Variants in NME7 observed in about 807,000 individuals in gnomAD.
NME7 encodes nucleoside diphosphate kinase 7.
A neutral mutation model predicts 49.1 loss-of-function variants in NME7; 41 were observed. That is an observed-to-expected ratio of 0.83 (90% CI 0.65 to 1.08). The LOEUF (loss-of-function observed/expected upper bound fraction) is 1.08. NME7 is among the 50% of genes least tolerant of loss of function. The pLI is 0.00. For synonymous variants in NME7, 139 were observed against 150.6 expected (o/e 0.92, Z 0.56); for missense variants, 423 against 463.4 (o/e 0.91, Z 0.80).
In NME7 at chr1:169,258,383, TATATATATATATATATATATATAC is replaced by T. The variant is rs1485529598; in HGVS notation, c.755-20720_755-20697del. 5.0e-5 allele frequency among the ~76,000 whole-genome samples: 3 copies of T among 59,632 alleles called. 1 individual carries two copies. The highest frequency in any genetic ancestry group is 9.4e-5 in the Non-Finnish European group (3 of 31,860). The allele number at this position is 59,632 out of a possible 152,430, so 39.1% of individuals were successfully genotyped here. On this transcript the variant is annotated intron_variant, in intron 7 of 11. Transcript: ENST00000367811. ...AATAAAATAAAATAAAACATATATA[TATATATATATATATATATATATAC>T]ACACACACACACACACATACACACA...
chr1:169,251,547 C>CTTTTTTTTTTTTTTTTT (rs36096137), intron 7 of NME7, among the ~76,000 whole-genome samples: 1 of 123,986 alleles, frequency 8.1e-6, no homozygotes. Context: ...ACTCTGGTTT[C>CTTTTTTTTTTTTTTTTT]TTTTTTTTTT....
At chr1:169,363,818 C>T in intron 1 of NME7, among the ~76,000 whole-genome samples, 1 of 152,284 alleles carries the variant, frequency 6.6e-6, no homozygotes, top group Non-Finnish European at 1.5e-5. Flanking sequence ...CCTTCATTGA[C>T]CACCTAATTT....
chr1:169,278,555 T>G (rs1649851731), intron 7 of NME7, among the ~76,000 whole-genome samples: 1 of 152,166 alleles, frequency 6.6e-6, no homozygotes, highest in Admixed American at 6.5e-5. Flanking sequence ...TTTAAGCACT[T>G]CTCTGTATTG....
chr1:169,218,983 AG>A (rs1661060120), intron 10 of NME7, among the ~76,000 whole-genome samples: 1 of 152,184 alleles, frequency 6.6e-6, no homozygotes, highest in African/African-American at 2.4e-5. Flanking sequence ...GACTTTCCTT[AG>A]GGAAACTTGA....
chr1:169,219,953 A>G (rs1661092164), intron 10 of NME7, among the ~76,000 whole-genome samples: 1 of 152,226 alleles, frequency 6.6e-6, no homozygotes, highest in African/African-American at 2.4e-5. Flanking sequence ...TGATGGAAGG[A>G]AGGCTAAGGA....
intron 10 of NME7, among the ~76,000 whole-genome samples, chr1:169,228,163 C>T (rs907639391): frequency 6.6e-6 from 1 of 152,042 alleles, no homozygotes; most frequent in Admixed American, 6.5e-5. Flanking sequence ...CCTGCCTTAT[C>T]CTCCCAAAAT....
At chr1:169,216,885 G>C (rs1002253538) in intron 10 of NME7, among the ~76,000 whole-genome samples, 1 of 152,204 alleles carries the variant, frequency 6.6e-6, no homozygotes, top group Non-Finnish European at 1.5e-5. Flanking sequence ...GTTGACTGTT[G>C]TGATATAAAA....
intron 1 of NME7, among the ~76,000 whole-genome samples, chr1:169,335,564 T>A (rs1557827371): frequency 1.3e-5 from 2 of 151,098 alleles, no homozygotes; most frequent in African/African-American, 4.9e-5. Context: ...GGGTGGGGGA[T>A]GAGGGAAGGG....
At chr1:169,252,262 G>A (rs1648664153) in intron 7 of NME7, among the ~76,000 whole-genome samples, 2 of 151,678 alleles carry the variant, frequency 1.3e-5, no homozygotes, top group Admixed American at 6.6e-5. Flanking sequence ...TCTAACTGGT[G>A]TGAGATGGTA....
At chr1:169,252,880 G>A (rs1229451418) in intron 7 of NME7, among the ~76,000 whole-genome samples, 37 of 148,998 alleles carry the variant, frequency 2.5e-4, no homozygotes, top group African/African-American at 8.0e-4. Context: ...GTAGATATGC[G>A]GTGTTATTTC....
In NME7 at chr1:169,336,911, T is replaced by C. The variant is rs4287233; in HGVS notation, c.4-12411A>G. On this transcript the variant is annotated intron_variant, in intron 1 of 11. Coordinates refer to ENST00000367811, the MANE Select transcript of NME7 (RefSeq NM_013330.5). ...GTGCTGATTGGTGTGTTTACAAACC[T>C]TGAGCTAGATACAGAGTGCCGATTG... Among the ~76,000 whole-genome samples, 984 of 152,192 alleles carry C rather than the reference T, an allele frequency of 6.5e-3. 14 individuals are homozygous for C. Among genetic ancestry groups the C allele is most frequent in the African/African-American group, 0.022 (922 of 41,518 alleles).
At chr1:169,300,474 A>G (rs907371197) in intron 5 of NME7, among the ~76,000 whole-genome samples, 1 of 152,182 alleles carries the variant, frequency 6.6e-6, no homozygotes, top group African/African-American at 2.4e-5. Context: ...TCTTATTAGA[A>G]GTGTAAACAG....
chr1:169,159,389 G>A (rs73033774), intron 11 of NME7, among the ~76,000 whole-genome samples: 3,432 of 151,990 alleles, frequency 0.023, 103 homozygotes, highest in African/African-American at 0.076. Context: ...ATTATGGGGC[G>A]GAAAAATAAA....
chr1:169,201,969 G>A (rs1660562519), intron 10 of NME7, among the ~76,000 whole-genome samples: 1 of 152,116 alleles, frequency 6.6e-6, no homozygotes, highest in East Asian at 1.9e-4. Flanking sequence ...GGGAAATGGT[G>A]TTTGCAAAAG....
At position 169,202,787 on chromosome 1, in the gene NME7, G is replaced by A. The variant is rs541696569; in HGVS notation, c.990+27931C>T. On this transcript the variant is annotated intron_variant, in intron 10 of 11. Transcript: ENST00000367811. ...GGCCAGAAGCCAGAAACATGCAATT[G>A]GAGGGAGGGGTAAAGGGAACAGAAA... is the stretch of plus-strand genomic sequence containing the variant. Among the ~76,000 whole-genome samples, 4 of 152,300 alleles carry A rather than the reference G, an allele frequency of 2.6e-5. No homozygotes were observed. In the South Asian group the frequency reaches 8.3e-4, roughly 32 times the overall value.
rs982562661 is a variant in NME7 at position 169,240,175 on chromosome 1, T to A, written c.755-2488A>T. On this transcript the variant is annotated intron_variant, in intron 7 of 11. Coordinates refer to ENST00000367811, the MANE Select transcript of NME7 (RefSeq NM_013330.5). ...AGTTAAAACAAAATTTTAAAATATT[T>A]AAATATAACAAAAATCCTTTAAATG... Among the ~76,000 whole-genome samples, 4 of 151,904 alleles carry A rather than the reference T, an allele frequency of 2.6e-5. 1 individual carries two copies. Among genetic ancestry groups the A allele is most frequent in the African/African-American group, 9.7e-5 (4 of 41,412 alleles).
chr1:169,150,712 G>T (rs536326449), intron 11 of NME7, among the ~76,000 whole-genome samples: 8 of 148,748 alleles, frequency 5.4e-5, no homozygotes, highest in African/African-American at 1.7e-4. Context: ...TAATTGTACT[G>T]CCAGGTGACA....
At position 169,303,144 on chromosome 1, in the gene NME7, C is replaced by T. The variant is rs754895703; in HGVS notation, c.440+1G>A. On this transcript the variant is annotated splice_donor_variant, in intron 5 of 11. Transcript: ENST00000367811. LOFTEE classifies it high-confidence loss of function. Reference sequence around the variant, plus strand: ...CACTAATCCCCAAATTAAGGACCTACTTGAAAAAGGGTCTTGACTGGTGAT... The same window carrying T: ...CACTAATCCCCAAATTAAGGACCTATTTGAAAAAGGGTCTTGACTGGTGAT... 2 of 1,567,024 alleles carry T rather than the reference C, an allele frequency of 1.3e-6. No homozygotes were observed. The highest frequency in any genetic ancestry group is 8.7e-7 in the Non-Finnish European group (1 of 1,150,676).
intron 7 of NME7, among the ~76,000 whole-genome samples, chr1:169,251,350 C>T (rs1280414314): frequency 6.6e-6 from 1 of 151,844 alleles, no homozygotes; most frequent in Non-Finnish European, 1.5e-5. Flanking sequence ...CTCCTATACC[C>T]TAAGTTTATA....
Sources: gnomAD v4.1 joint callset for allele counts (sites outside exome capture counted in the v4.1 genomes callset) on GRCh38, gnomAD v4.1.1 for gene constraint, MANE v1.5 for transcripts, NCBI Gene and HGNC (gene_info 2026-07-23, HGNC 2026-07-21) for gene names.